The following INAVA variants were observed in gnomAD, a reference collection of about 807,000 sequenced individuals.
INAVA encodes innate immunity activator.
Under a neutral mutation model 55.3 loss-of-function variants are expected in INAVA, and 32 were observed. The observed-to-expected ratio is 0.58, with a 90% CI of 0.44 to 0.78. INAVA has a LOEUF of 0.78. Among genes scored for constraint, INAVA ranks in the 30% least tolerant of loss-of-function variants. INAVA has a pLI of 0.00. For missense variants in INAVA, 756 were observed against 786.4 expected (o/e 0.96, Z 0.46); for synonymous variants, 294 against 329.4 (o/e 0.89, Z 1.16).
intron 3 of INAVA, 127 bp from the exon 4 acceptor site, chr1:200,899,977 G>C: frequency 1.4e-6 from 1 of 728,762 alleles, no homozygotes; most frequent in Non-Finnish European, 2.3e-6. Flanking sequence ...GTGGAGGATG[G>C]GATGAGGTGG....
chr1:200,896,148 G>C (rs1668346136), intron 1 of INAVA, among the ~76,000 whole-genome samples: 1 of 152,122 alleles, frequency 6.6e-6, no homozygotes, highest in South Asian at 2.1e-4. Flanking sequence ...TGAGAAGCAG[G>C]GGCTGAGTTG....
chr1:200,899,046 G>A (rs2102302890), intron 2 of INAVA, among the ~76,000 whole-genome samples: 1 of 152,284 alleles, frequency 6.6e-6, no homozygotes, highest in African/African-American at 2.4e-5. Context: ...TGTGGGCCTA[G>A]TCTGGCCTAG....
intron 5 of INAVA, among the ~76,000 whole-genome samples, chr1:200,905,873 T>A (rs1211258583): frequency 6.6e-6 from 1 of 152,220 alleles, no homozygotes; most frequent in East Asian, 1.9e-4. Context: ...GCATTTGAGA[T>A]GCAAGCTCAC....
rs753468104 is a variant in INAVA at position 200,908,799 on chromosome 1, C to A, written c.644C>A (p.Thr215Asn). 6.2e-7 allele frequency: 1 copy of A among 1,613,608 alleles called. No homozygotes were observed. Among genetic ancestry groups the A allele is most frequent in the African/African-American group, 1.3e-5 (1 of 74,918 alleles). ...APPSRPLPPQ[T>N]LEGLQPTGPE... ...CCTTCTCGGCCTCTCCCACCCCAAA[C>A]CCTTGAGGGTCTGCAGCCAACAGGA... Residue 215 changes from threonine (T) to asparagine (N), a missense_variant, in exon 7 of 10, where the codon ACC becomes AAC. Coordinates refer to ENST00000413687, the MANE Select transcript of INAVA (RefSeq NM_001142569.3).
rs1304330045 is a variant in INAVA at position 200,901,172 on chromosome 1, C to T, written c.520+13C>T. ...CCCCTGGGCCGAGGTGAGCCGGCTGCCCTGAGGGGGGCCATGCTCCTTAAA... is the reference window on the plus strand; with the variant it reads ...CCCCTGGGCCGAGGTGAGCCGGCTGTCCTGAGGGGGGCCATGCTCCTTAAA... On this transcript the variant is annotated intron_variant, in intron 5 of 9. Transcript: ENST00000413687. 3.3e-6 allele frequency: 5 copies of T among 1,493,634 alleles called. No individual in the cohort carries two copies. The highest frequency in any genetic ancestry group is 4.5e-6 in the Non-Finnish European group (5 of 1,122,540). 92.5% of individuals were successfully genotyped at this position (1,493,634 alleles called of 1,614,324 possible).
At chr1:200,894,042 C>T (rs1004454483), upstream of INAVA, among the ~76,000 whole-genome samples, 1 of 152,174 alleles carries the variant, frequency 6.6e-6, no homozygotes, top group African/African-American at 2.4e-5. Context: ...AGCTCTGCTT[C>T]CGCCTTGAAA....
chr1:200,910,098 A>C (rs1295570249), intron 8 of INAVA, among the ~76,000 whole-genome samples: 1 of 152,188 alleles, frequency 6.6e-6, no homozygotes, highest in Non-Finnish European at 1.5e-5. Context: ...ATTTGGGGGC[A>C]TTTTAAACAG....
intron 9 of INAVA, 67 bp downstream of exon 9, chr1:200,912,204 T>G (rs752424081): frequency 5.4e-5 from 75 of 1,385,554 alleles, no homozygotes; most frequent in Non-Finnish European, 6.8e-5. Context: ...GGGGCTGCAA[T>G]TCTAGTATGT....
In INAVA at chr1:200,902,112, G is replaced by A. The variant is rs1404170079; in HGVS notation, c.520+953G>A. On this transcript the variant is annotated intron_variant, in intron 5 of 9. Transcript: ENST00000413687. Reference sequence around the variant, plus strand: ...GGGAACCGGGAGGGAATGAGGCCGTGGCCCTGCAAAAAAAAATCCAGAATT... The same window carrying A: ...GGGAACCGGGAGGGAATGAGGCCGTAGCCCTGCAAAAAAAAATCCAGAATT... 5.9e-5 allele frequency among the ~76,000 whole-genome samples: 9 copies of A among 152,102 alleles called. 1 individual carries two copies. Among genetic ancestry groups the A allele is most frequent in the Non-Finnish European group, 1.2e-4 (8 of 68,014 alleles).
At chr1:200,902,815 T>G (rs1653322315) in intron 5 of INAVA, 1 of 152,292 alleles carries the variant, frequency 6.6e-6, no homozygotes, top group Non-Finnish European at 1.5e-5. Flanking sequence ...CTGCCCATGA[T>G]GGGTGGCAGG....
At position 200,900,112 on chromosome 1, in the gene INAVA, G is replaced by A. The variant is rs773426005; in HGVS notation, c.189G>A (p.Thr63=). ...CTCTGCTTCCTCCCCAGGAGCTGACGGGCACCTTGCCAGCGGAGTATCCCC... is the reference window on the plus strand; with the variant it reads ...CTCTGCTTCCTCCCCAGGAGCTGACAGGCACCTTGCCAGCGGAGTATCCCC... ...RRLCLREAEL[T]GTLPAEYPLK... The change falls in exon 4 of 10, where the codon ACG becomes ACA. Residue 63 remains threonine, a synonymous_variant. Coordinates refer to ENST00000413687, the MANE Select transcript of INAVA (RefSeq NM_001142569.3). The A allele has an allele frequency of 1.4e-5, 22 of 1,612,118 alleles. No homozygotes were observed. Among genetic ancestry groups the A allele is most frequent in the Admixed American group, 1.0e-4 (6 of 59,804 alleles).
chr1:200,914,245 C>G lies in INAVA; in HGVS notation c.*616C>G, dbSNP rs1468324334. On this transcript the variant is annotated 3_prime_UTR_variant, in exon 10 of 10. Coordinates refer to ENST00000413687, the MANE Select transcript of INAVA (RefSeq NM_001142569.3). ...TAGACCCTGCTATTTTCCTGACCCC[C>G]TAAATCCTCTTTAGGGACCCAGTCA... 6.6e-6 allele frequency: 1 copy of G among 152,532 alleles called. No homozygotes were observed. The highest frequency in any genetic ancestry group is 1.9e-4 in the East Asian group (1 of 5,278). 9.4% of individuals were successfully genotyped at this position (152,532 alleles called of 1,614,324 possible).
At chr1:200,912,459 A>G (rs1653795840) in intron 9 of INAVA, among the ~76,000 whole-genome samples, 1 of 152,182 alleles carries the variant, frequency 6.6e-6, no homozygotes, top group African/African-American at 2.4e-5. Context: ...GCCTCTTCAT[A>G]ATCAAAAGTC....
At chr1:200,899,680 G>A (rs1465936579) in intron 3 of INAVA, 83 bp downstream of exon 3, 9 of 1,538,478 alleles carry the variant, frequency 5.8e-6, no homozygotes, top group Middle Eastern at 2.4e-4. Flanking sequence ...GAGCTGGGGA[G>A]AGGGAGCCCC....
In INAVA at chr1:200,908,730, A is replaced by G; in HGVS notation, c.575A>G (p.Glu192Gly). The G allele has an allele frequency of 6.4e-7, 1 of 1,562,612 alleles. No individual in the cohort carries two copies. Among genetic ancestry groups the G allele is most frequent in the Non-Finnish European group, 8.7e-7 (1 of 1,155,768 alleles). Residue 192 changes from glutamate (E) to glycine (G), a missense_variant and splice_region_variant, in exon 7 of 10, where the codon GAG (glutamate) becomes GGG (glycine). By Grantham distance (98) the Glu-to-Gly change is moderately conservative (BLOSUM62 -2). This residue lies in a region of INAVA where 639 missense variants were observed against 624.3 expected (regional missense o/e 1.02). Coordinates refer to ENST00000413687, the MANE Select transcript of INAVA (RefSeq NM_001142569.3). ...SLSDGLLLEEEESQVPKPPPE... is the reference protein window; with the variant it reads ...SLSDGLLLEEGESQVPKPPPE... ...TACCAGGTTTCTTTTACTCCTGCAG[A>G]GGAATCCCAAGTGCCAAAACCTCCT... is the stretch of plus-strand genomic sequence containing the variant.
chr1:200,909,929 A>G (rs1571871776), intron 8 of INAVA, among the ~76,000 whole-genome samples: 1 of 152,196 alleles, frequency 6.6e-6, no homozygotes, highest in Non-Finnish European at 1.5e-5. Context: ...AGGACACCTT[A>G]CTTAATATGG....
chr1:200,904,360 T>C (rs1193906328), intron 5 of INAVA, among the ~76,000 whole-genome samples: 2 of 152,204 alleles, frequency 1.3e-5, no homozygotes, highest in Non-Finnish European at 2.9e-5. Flanking sequence ...AGTGGTGGGA[T>C]TACAGGCGTG....
Position 200,901,029 on chromosome 1 carries a change from G to T in INAVA, c.390G>T (p.Arg130Ser). The T allele has an allele frequency of 6.5e-7, 1 of 1,549,184 alleles. No homozygotes were observed. Among genetic ancestry groups the T allele is most frequent in the Non-Finnish European group, 8.7e-7 (1 of 1,146,722 alleles). Reference protein sequence around the residue: ...RRLCLEENLSRQARRQRKHSM... With the variant: ...RRLCLEENLSSQARRQRKHSM... ...TGTGCCTGGAGGAGAACCTCAGCAG[G>T]CAGGCTCGGCGGCAGCGGAAGCACT... The change falls in exon 5 of 10, where the codon AGG (arginine) becomes AGT (serine). Residue 130 changes from arginine (R) to serine (S), a missense_variant. Coordinates refer to ENST00000413687, the MANE Select transcript of INAVA (RefSeq NM_001142569.3).
At chr1:200,911,181 T>TTTTACACGAATC (rs1473607054) in intron 8 of INAVA, among the ~76,000 whole-genome samples, 1 of 150,472 alleles carries the variant, frequency 6.6e-6, no homozygotes, top group African/African-American at 2.5e-5. Flanking sequence ...CTTAATGTGC[T>TTTTACACGAATC]ACTTGATGTA....
Sources: gnomAD v4.1 joint callset for allele counts (sites outside exome capture counted in the v4.1 genomes callset) on GRCh38, gnomAD v4.1.1 for gene constraint, gnomAD v4.1.1 regional missense constraint, MANE v1.5 for transcripts, NCBI Gene and HGNC (gene_info 2026-07-23, HGNC 2026-07-21) for gene names.